Variants in RSPH10B observed in about 807,000 individuals in gnomAD.
The protein encoded by RSPH10B is radial spoke head 10 homolog B, also known as radial spoke head 10 homolog B (Chlamydomonas).
Under a neutral mutation model 52.5 loss-of-function variants are expected in RSPH10B, and 7 were observed. The ratio of observed to expected loss-of-function variants is 0.13; its 90% CI spans 0.08 to 0.25. RSPH10B has a LOEUF of 0.25. RSPH10B is among the 10% of genes least tolerant of loss of function. The pLI, the probability that RSPH10B is intolerant of heterozygous loss-of-function variation, is 1.00. For missense variants in RSPH10B, 89 were observed against 542.5 expected (o/e 0.16, Z 8.30); for synonymous variants, 28 against 193.2 (o/e 0.14, Z 7.09).
intron 17 of RSPH10B, among the ~76,000 whole-genome samples, chr7:5,928,602 T>TA (rs1471974845): frequency 1.3e-5 from 2 of 149,734 alleles, no homozygotes; most frequent in African/African-American, 5.0e-5. Flanking sequence ...GCCTTCCCTT[T>TA]GAGTTTCCTG....
chr7:5,926,459 G>GAC lies in RSPH10B; in HGVS notation c.2520_2521dup (p.Ser841CysfsTer15), dbSNP rs763291227. 8.3e-5 allele frequency: 132 copies of GAC among 1,586,174 alleles called. No individual in the cohort carries two copies. The highest frequency in any genetic ancestry group is 1.1e-4 in the Non-Finnish European group (123 of 1,159,480). Reference sequence around the variant, plus strand: ...AGGGTCCAGTATGAGGTGAGAGGATGACACGTCTGCCGGCTCCTTGAGCAC... The same window carrying GAC: ...AGGGTCCAGTATGAGGTGAGAGGATGACACACGTCTGCCGGCTCCTTGAGCAC... On this transcript the variant is annotated frameshift_variant, in exon 19 of 19. Coordinates refer to ENST00000337579, the Ensembl canonical transcript of RSPH10B. LOFTEE classifies it high-confidence loss of function.
chr7:5,957,718 C>A (rs1294495661), intron 6 of RSPH10B, among the ~76,000 whole-genome samples, 189 bp downstream of exon 8: 1 of 119,552 alleles, frequency 8.4e-6, no homozygotes, highest in Non-Finnish European at 1.7e-5. Context: ...ATTGCTTGAA[C>A]CCGGGAGGTG....
rs1357267870 is a variant in RSPH10B, at chr7:5,933,663, G to C, written c.2140-788C>G. On this transcript the variant is annotated intron_variant, in intron 16 of 18. Coordinates refer to ENST00000337579, the Ensembl canonical transcript of RSPH10B. ...TAGTCCTAGCTACTCAGGAGGCTGA[G>C]GCAGGAGAATGGCGTGAACCCGGGA... Among the ~76,000 whole-genome samples the C allele has an allele frequency of 3.4e-4, 46 of 134,562 alleles. No homozygotes were observed. The Middle Eastern group carries it at 0.013, about 37-fold the overall frequency. The allele number at this position is 134,562 out of a possible 152,430, so 88.3% of individuals were successfully genotyped here. A position where few individuals can be genotyped will look rare whatever the true frequency, so the allele number is the denominator to read the frequency against.
intron 15 of RSPH10B, among the ~76,000 whole-genome samples, chr7:5,937,409 G>GC (rs1779979526): frequency 8.1e-6 from 1 of 123,894 alleles, no homozygotes; most frequent in African/African-American, 2.7e-5. Context: ...TGTTTGTTTG[G>GC]TTTTTTTGTT....
At chr7:5,940,136 G>T (rs1231962499) in intron 13 of RSPH10B, among the ~76,000 whole-genome samples, 1 of 117,574 alleles carries the variant, frequency 8.5e-6, no homozygotes, top group African/African-American at 2.9e-5. Context: ...GGCAGAGGTT[G>T]CAGTGAGGTG....
In RSPH10B at chr7:5,926,322, T is replaced by TA. The variant is rs533839814; in HGVS notation, c.*45dup. On this transcript the variant is annotated 3_prime_UTR_variant, in exon 19 of 19. Coordinates refer to ENST00000337579, the Ensembl canonical transcript of RSPH10B. ...AAGAACTGTAATGCTCAGGAAATCT[T>TA]ACAGCACGTGCCATCCTAAGCCTGT... is the stretch of plus-strand genomic sequence containing the variant. 3,269 of 1,050,918 alleles carry TA rather than the reference T, an allele frequency of 3.1e-3. 2 individuals carry two copies. In the African/African-American group the frequency reaches 0.049, roughly 16 times the overall value. 65.1% of individuals were successfully genotyped at this position (1,050,918 alleles called of 1,614,324 possible). A position where few individuals can be genotyped will look rare whatever the true frequency, so the allele number is the denominator to read the frequency against.
At chr7:5,927,047 A>ATTTT (rs1266340097) in intron 18 of RSPH10B, among the ~76,000 whole-genome samples, 1 of 51,484 alleles carries the variant, frequency 1.9e-5, no homozygotes, top group African/African-American at 5.2e-5. Flanking sequence ...GTGTGTGTGT[A>ATTTT]TTATGTGTGT....
chr7:5,926,738 CATCT>C (rs1215805882), intron 18 of RSPH10B, among the ~76,000 whole-genome samples, 190 bp from the exon 21 acceptor site: 15 of 140,268 alleles, frequency 1.1e-4, no homozygotes, highest in Middle Eastern at 6.4e-3. Flanking sequence ...ATAAACTTCT[CATCT>C]ATCTATGAAA....
chr7:5,942,371 C>T (rs1375073818), intron 13 of RSPH10B, among the ~76,000 whole-genome samples: 8 of 131,884 alleles, frequency 6.1e-5, no homozygotes, highest in Admixed American at 5.7e-4. Context: ...GGACTACAGG[C>T]GTGCACTACC....
chr7:5,968,575 T>C (rs1334000849), upstream of RSPH10B, among the ~76,000 whole-genome samples: 3 of 68,278 alleles, frequency 4.4e-5, no homozygotes, highest in East Asian at 4.7e-4. Flanking sequence ...GGTGCGATCT[T>C]GGCTCACTGC....
chr7:5,957,804 C>G lies in RSPH10B; in HGVS notation c.780+103G>C. 5 of 1,474,674 alleles carry G rather than the reference C, an allele frequency of 3.4e-6. No homozygotes were observed. In the South Asian group the frequency reaches 6.7e-5, roughly 20 times the overall value. The allele number at this position is 1,474,674 out of a possible 1,614,324, so 91.3% of individuals were successfully genotyped here. A position where few individuals can be genotyped will look rare whatever the true frequency, so the allele number is the denominator to read the frequency against. On this transcript the variant is annotated intron_variant, in intron 6 of 18. Transcript: ENST00000337579. ...GACAGAGAGAGACTCTGTCTCAAAA[C>G]AAAAACAAAAACAAAAACAAAACCC...
At chr7:5,927,550 G>C in intron 18 of RSPH10B, among the ~76,000 whole-genome samples, 2 of 128,230 alleles carry the variant, frequency 1.6e-5, no homozygotes, top group Non-Finnish European at 3.2e-5. Context: ...CAGCTCCAGC[G>C]AGAAGCTATC....
exon 19 of RSPH10B, chr7:5,926,339 TA>T: frequency 8.1e-7 from 1 of 1,236,532 alleles, no homozygotes; most frequent in Non-Finnish European, 1.2e-6. Context: ...CGTGCCATCC[TA>T]AGCCTGTGTG....
chr7:5,926,749 G>A (rs1779438986), intron 18 of RSPH10B, among the ~76,000 whole-genome samples: 1 of 138,712 alleles, frequency 7.2e-6, no homozygotes, highest in Non-Finnish European at 1.6e-5. Context: ...ATCTATCTAT[G>A]AAAAGAAAAT....
At position 5,955,133 on chromosome 7, in the gene RSPH10B, C is replaced by T. The variant is rs1288231175; in HGVS notation, c.957+872G>A. ...CGAGCCGAGATCATGCCACTGCACT[C>T]CAGCCTGGGCAACAGAGCGAAACTC... On this transcript the variant is annotated intron_variant, in intron 7 of 18. Coordinates refer to ENST00000337579, the Ensembl canonical transcript of RSPH10B. Among the ~76,000 whole-genome samples, 2 of 140,252 alleles carry T rather than the reference C, an allele frequency of 1.4e-5. 1 individual carries two copies. The highest frequency in any genetic ancestry group is 6.4e-4 in the East Asian group (2 of 3,142). 92.0% of individuals were successfully genotyped at this position (140,252 alleles called of 152,430 possible). A position where few individuals can be genotyped will look rare whatever the true frequency, so the allele number is the denominator to read the frequency against.
intron 17 of RSPH10B, among the ~76,000 whole-genome samples, chr7:5,932,004 A>C (rs1263710869): frequency 6.6e-6 from 1 of 150,562 alleles, no homozygotes; most frequent in Non-Finnish European, 1.5e-5. Context: ...AAGAAAAAGA[A>C]AAGAAAAGAA....
intron 9 of RSPH10B, among the ~76,000 whole-genome samples, chr7:5,950,363 G>C (rs568724703): frequency 2.6e-5 from 4 of 151,794 alleles, no homozygotes; most frequent in Admixed American, 2.6e-4. Context: ...CTGAGGTCAG[G>C]AGTTCGAGAC....
rs1454180450 is a variant in RSPH10B at position 5,929,631 on chromosome 7, C to T, written c.2234-1237G>A. Among the ~76,000 whole-genome samples the T allele has an allele frequency of 7.3e-3, 27 of 3,702 alleles. 2 individuals carry two copies. The highest frequency in any genetic ancestry group is 0.036 in the African/African-American group (22 of 618). The allele number at this position is 3,702 out of a possible 152,430, so 2.4% of individuals were successfully genotyped here. On this transcript the variant is annotated intron_variant, in intron 17 of 18. Coordinates refer to ENST00000337579, the Ensembl canonical transcript of RSPH10B. ...TTTCCTAGTAGTTATAGTTATCCCT[C>T]TCTATCTTTCTTGTCTAGGCTAAAG...
rs373901374 is a variant in RSPH10B, at chr7:5,927,022, C to CGTGT, written c.2433-478_2433-475dup. Among the ~76,000 whole-genome samples, 211 of 95,702 alleles carry CGTGT rather than the reference C, an allele frequency of 2.2e-3. 1 individual carries two copies. The highest frequency in any genetic ancestry group is 8.3e-3 in the African/African-American group (173 of 20,734). 62.8% of individuals were successfully genotyped at this position (95,702 alleles called of 152,430 possible). Reference sequence around the variant, plus strand: ...CACCCACCTCGGCCTCCCAAAGTTACGTGTGTGTGTGTGTGTGTGTGTGTA... The same window carrying CGTGT: ...CACCCACCTCGGCCTCCCAAAGTTACGTGTGTGTGTGTGTGTGTGTGTGTGTGTA... On this transcript the variant is annotated intron_variant, in intron 18 of 18. Transcript: ENST00000337579.
Sources: allele counts gnomAD v4.1 joint callset (sites outside exome capture counted in the v4.1 genomes callset), GRCh38; gene constraint gnomAD v4.1.1; transcripts MANE v1.5; gene names NCBI Gene and HGNC (gene_info 2026-07-23, HGNC 2026-07-21).